HK2: variants seen among roughly 807,000 people sequenced by gnomAD.
HK2 encodes hexokinase 2, also known as hexokinase-2.
A neutral mutation model predicts 92.9 loss-of-function variants in HK2; 42 were observed. The observed-to-expected ratio is 0.45, with a 90% CI of 0.35 to 0.58. The LOEUF (loss-of-function observed/expected upper bound fraction) is 0.58, where lower values mean the gene tolerates loss of function less well. Ranked by LOEUF, HK2 falls within the 20% of genes least tolerant of loss-of-function variation. The pLI is 0.00. For synonymous variants in HK2, 422 were observed against 468.0 expected (o/e 0.90, Z 1.27); for missense variants, 978 against 1,245.1 (o/e 0.79, Z 3.23).
chr2:74,871,807 T>G (rs969421288), intron 3 of HK2, among the ~76,000 whole-genome samples: 5 of 152,250 alleles, frequency 3.3e-5, no homozygotes, highest in Non-Finnish European at 5.9e-5. Context: ...CAGAGAATGC[T>G]GTCCCTGCAA....
In HK2 at chr2:74,854,405, C is replaced by T. The variant is rs774248814; in HGVS notation, c.176C>T (p.Ala59Val). The change falls in exon 2 of 18, where the codon GCA (alanine) becomes GTA (valine). Residue 59 changes from alanine (A) to valine (V), a missense_variant. Transcript: ENST00000290573. ...KGLGATTHPT[A>V]AVKMLPTFVR... Reference sequence around the variant, plus strand: ...CTTGGAGCCACCACTCACCCTACTGCAGCAGTGAAGATGCTGCCCACCTTT... The same window carrying T: ...CTTGGAGCCACCACTCACCCTACTGTAGCAGTGAAGATGCTGCCCACCTTT... The T allele has an allele frequency of 6.2e-7, 1 of 1,614,220 alleles. No individual in the cohort carries two copies. Among genetic ancestry groups the T allele is most frequent in the Non-Finnish European group, 8.5e-7 (1 of 1,180,048 alleles).
rs557482518 is a variant in HK2, at chr2:74,863,795, G to A, written c.227-3841G>A. 4.3e-4 allele frequency among the ~76,000 whole-genome samples: 66 copies of A among 152,294 alleles called. 1 individual carries two copies. The highest frequency in any genetic ancestry group is 1.5e-3 in the African/African-American group (63 of 41,542). ...TTCAGTGCAGTTACCTGGGGCCACT[G>A]GAAATGATATTGTAGGGCAGAAAGG... On this transcript the variant is annotated intron_variant, in intron 2 of 17. Coordinates refer to ENST00000290573, the MANE Select transcript of HK2 (RefSeq NM_000189.5).
At chr2:74,842,696 C>T (rs1054914736) in intron 1 of HK2, among the ~76,000 whole-genome samples, 2 of 152,226 alleles carry the variant, frequency 1.3e-5, no homozygotes, top group Non-Finnish European at 2.9e-5. Context: ...GTCCACCGTG[C>T]TTCTAAAACC....
rs1448617166 is a variant in HK2, at chr2:74,887,987, C to G, written c.2304C>G (p.Phe768Leu). 2 of 1,614,064 alleles carry G rather than the reference C, an allele frequency of 1.2e-6. No individual in the cohort carries two copies. The highest frequency in any genetic ancestry group is 3.3e-5 in the Admixed American group (2 of 60,006). ...ATTTCACCAAGCGTGGACTACTCTT[C>G]CGAGGCCGCATCTCAGAGCGGCTCA... is the stretch of plus-strand genomic sequence containing the variant. ...LIDFTKRGLL[F>L]RGRISERLKT... Residue 768 changes from phenylalanine (F) to leucine (L), a missense_variant, in exon 16 of 18, where the codon TTC becomes TTG. Around this residue, in one of 3 missense-constraint regions of HK2, gnomAD observed 742 missense variants for 922.5 expected, o/e 0.80. Coordinates refer to ENST00000290573, the MANE Select transcript of HK2 (RefSeq NM_000189.5).
At chr2:74,885,877 C>A (rs951864281) in intron 13 of HK2, among the ~76,000 whole-genome samples, 1 of 151,056 alleles carries the variant, frequency 6.6e-6, no homozygotes, top group Admixed American at 6.6e-5. Flanking sequence ...CACACACACA[C>A]ACACACACAG....
intron 7 of HK2, among the ~76,000 whole-genome samples, chr2:74,876,646 T>C (rs889494985): frequency 6.6e-6 from 1 of 152,122 alleles, no homozygotes; most frequent in Non-Finnish European, 1.5e-5. Flanking sequence ...TTTATAATGT[T>C]GCCCCATCAT....
At chr2:74,837,020 G>A (rs1293821588) in intron 1 of HK2, among the ~76,000 whole-genome samples, 1 of 152,164 alleles carries the variant, frequency 6.6e-6, no homozygotes, top group Non-Finnish European at 1.5e-5. Context: ...ATGAGAATCA[G>A]GGTTATTTCC....
intron 12 of HK2, 115 bp from the exon 13 acceptor site, chr2:74,885,379 C>T (rs1473933227): frequency 3.1e-5 from 23 of 751,994 alleles, no homozygotes; most frequent in Non-Finnish European, 4.6e-5. Flanking sequence ...TGATTGGTGA[C>T]TCTGGGGGAT....
chr2:74,862,708 T>C (rs1010641873), intron 2 of HK2, among the ~76,000 whole-genome samples: 1 of 152,240 alleles, frequency 6.6e-6, no homozygotes, highest in Non-Finnish European at 1.5e-5. Flanking sequence ...AATTGAAGAT[T>C]GTACTGATAG....
intron 7 of HK2, among the ~76,000 whole-genome samples, chr2:74,875,327 GT>G (rs61418530): frequency 0.026 from 2,945 of 112,022 alleles, 63 homozygotes; most frequent in African/African-American, 0.095. Flanking sequence ...CCTTGCTTTC[GT>G]TTTTTTTTTT....
At position 74,835,857 on chromosome 2, in the gene HK2, C is replaced by T. The variant is rs548824822; in HGVS notation, c.63+1214C>T. The stretch of plus-strand genomic sequence containing the variant: ...AACACATTTTTGGGAAAATGTCTTG[C>T]CATTACCGTTCTGTGCGACAACCTG... On this transcript the variant is annotated intron_variant, in intron 1 of 17. Transcript: ENST00000290573. 4.6e-5 allele frequency among the ~76,000 whole-genome samples: 7 copies of T among 152,278 alleles called. No homozygotes were observed. In the South Asian group the frequency reaches 1.5e-3, roughly 32 times the overall value.
rs1688123654 is a variant in HK2 at position 74,835,080 on chromosome 2, G to GCCGTCCGCGCTCGCGGA, written c.63+441_63+457dup. The stretch of plus-strand genomic sequence containing the variant: ...CCGCTGCCGCGTGGGGCCGCCGGGG[G>GCCGTCCGCGCTCGCGGA]CCGTCCGCGCTCGCGGACCGCGTGT... On this transcript the variant is annotated intron_variant, in intron 1 of 17. Coordinates refer to ENST00000290573, the MANE Select transcript of HK2 (RefSeq NM_000189.5). 1.6e-5 allele frequency: 4 copies of GCCGTCCGCGCTCGCGGA among 256,960 alleles called. No individual in the cohort carries two copies. In the Admixed American group the frequency reaches 2.0e-4, roughly 13 times the overall value. The allele number at this position is 256,960 out of a possible 1,614,324, so 15.9% of individuals were successfully genotyped here. A position where few individuals can be genotyped will look rare whatever the true frequency, so the allele number is the denominator to read the frequency against.
intron 2 of HK2, among the ~76,000 whole-genome samples, chr2:74,866,709 C>T (rs926363185): frequency 6.6e-6 from 1 of 152,142 alleles, no homozygotes; most frequent in Non-Finnish European, 1.5e-5. Flanking sequence ...CTTTCCTGCT[C>T]CCCCACAGCT....
intron 2 of HK2, among the ~76,000 whole-genome samples, chr2:74,866,557 C>T (rs760109225): frequency 6.6e-6 from 1 of 152,184 alleles, no homozygotes; most frequent in East Asian, 1.9e-4. Flanking sequence ...TCCCCATAGT[C>T]GGTGGTATTA....
intron 12 of HK2, among the ~76,000 whole-genome samples, chr2:74,884,424 A>G (rs1689472962): frequency 6.6e-6 from 1 of 152,218 alleles, no homozygotes; most frequent in Non-Finnish European, 1.5e-5. Flanking sequence ...CCTCATCAGT[A>G]AGGATCACCT....
chr2:74,878,965 A>G (rs769835909), intron 9 of HK2, 44 bp downstream of exon 9: 2 of 1,476,424 alleles, frequency 1.4e-6, no homozygotes, highest in South Asian at 2.4e-5. Context: ...TTCCTGGAGT[A>G]CCTGGGGCTG....
chr2:74,878,989 G>GCCAGCT (rs1689314030), intron 9 of HK2, 68 bp downstream of exon 9: 1 of 1,309,700 alleles, frequency 7.6e-7, no homozygotes, highest in African/African-American at 1.5e-5. Context: ...GACTCCTCAT[G>GCCAGCT]CCAGCTCCAT....
At position 74,890,920 on chromosome 2, in the gene HK2, C is replaced by A. The variant is rs745420761; in HGVS notation, c.2733C>A (p.Ile911=). 1 of 1,614,184 alleles carries A rather than the reference C, an allele frequency of 6.2e-7. No homozygotes were observed. Among genetic ancestry groups the A allele is most frequent in the African/African-American group, 1.3e-5 (1 of 75,030 alleles). Residue 911 remains isoleucine, a synonymous_variant, in exon 18 of 18, where the codon ATC becomes ATA. Transcript: ENST00000290573. ...AALITAVACR[I]REAGQR ...TCATCACTGCTGTGGCCTGCCGCAT[C>A]CGTGAGGCTGGACAGCGATAGAACC... is the stretch of plus-strand genomic sequence containing the variant.
rs77941105 is a variant in HK2, at chr2:74,852,897, T to C, written c.64-1396T>C. ...GCCAGGCACCGTGCCAGCCTCCAGG[T>C]ATGCAAAGGTGAACAAGCAGACATT... On this transcript the variant is annotated intron_variant, in intron 1 of 17. Transcript: ENST00000290573. Among the ~76,000 whole-genome samples the C allele has an allele frequency of 5.9e-3, 891 of 152,284 alleles. 11 individuals are homozygous for C. Among genetic ancestry groups the C allele is most frequent in the African/African-American group, 0.02 (824 of 41,560 alleles).
Sources: gnomAD v4.1 joint callset for allele counts (sites outside exome capture counted in the v4.1 genomes callset) on GRCh38, gnomAD v4.1.1 for gene constraint, gnomAD v4.1.1 regional missense constraint, MANE v1.5 for transcripts, NCBI Gene and HGNC (gene_info 2026-07-23, HGNC 2026-07-21) for gene names.